RIMKLA: variants seen among roughly 807,000 people sequenced by gnomAD.
RIMKLA encodes the protein ribosomal modification protein rimK like family member A.
Under a neutral mutation model 32.7 loss-of-function variants are expected in RIMKLA, and 14 were observed. That is an observed-to-expected ratio of 0.43 (90% CI 0.28 to 0.67). The LOEUF (loss-of-function observed/expected upper bound fraction) is 0.67, where lower values mean the gene tolerates loss of function less well. RIMKLA is among the 30% of genes least tolerant of loss of function. The pLI, the probability that RIMKLA is intolerant of heterozygous loss-of-function variation, is 0.18. For missense variants in RIMKLA, 410 were observed against 519.0 expected (o/e 0.79, Z 2.04); for synonymous variants, 176 against 204.1 (o/e 0.86, Z 1.18).
At chr1:42,409,245 A>C (rs1404243412) in intron 3 of RIMKLA, among the ~76,000 whole-genome samples, 1 of 151,256 alleles carries the variant, frequency 6.6e-6, no homozygotes, top group Non-Finnish European at 1.5e-5. Context: ...GATGCTAAAT[A>C]ATTACAAAAG....
chr1:42,413,496 T>C, intron 4 of RIMKLA, among the ~76,000 whole-genome samples: 1 of 114,422 alleles, frequency 8.7e-6, no homozygotes, highest in Non-Finnish European at 1.7e-5. Flanking sequence ...AGAGTAAGAG[T>C]CTCTCAAAAA....
chr1:42,403,545 G>A (rs776071332), intron 2 of RIMKLA, among the ~76,000 whole-genome samples: 3 of 152,160 alleles, frequency 2.0e-5, no homozygotes, highest in Admixed American at 6.5e-5. Context: ...CATGCACATC[G>A]TTATTCATAT....
chr1:42,416,745 T>C lies in RIMKLA; in HGVS notation c.*1771T>C, dbSNP rs1485523109. ...GTAAAATGTGTATAAAGTTAAGCTATTGCATTTTTTCATAACACATTTAAA... is the reference window on the plus strand; with the variant it reads ...GTAAAATGTGTATAAAGTTAAGCTACTGCATTTTTTCATAACACATTTAAA... On this transcript the variant is annotated 3_prime_UTR_variant, in exon 5 of 5. Transcript: ENST00000431473. The C allele has an allele frequency of 6.6e-6, 1 of 152,252 alleles. No individual in the cohort carries two copies. The highest frequency in any genetic ancestry group is 1.5e-5 in the Non-Finnish European group (1 of 68,046). The allele number at this position is 152,252 out of a possible 1,614,324, so 9.4% of individuals were successfully genotyped here.
At chr1:42,391,088 T>C (rs1301922479) in intron 1 of RIMKLA, among the ~76,000 whole-genome samples, 2 of 152,000 alleles carry the variant, frequency 1.3e-5, no homozygotes, top group Non-Finnish European at 2.9e-5. Flanking sequence ...GCTGGAAAGA[T>C]AGGAGGAGTG....
rs775359393 is a variant in RIMKLA at position 42,423,275 on chromosome 1, G to T, written c.*8301G>T. On this transcript the variant is annotated 3_prime_UTR_variant, in exon 5 of 5. Transcript: ENST00000431473. ...ATATTGTCCTTGAACCCAAACACTG[G>T]GGAATGTGGCCTATGTTTCTTTCTT... Among the ~76,000 whole-genome samples the T allele has an allele frequency of 2.6e-5, 4 of 152,128 alleles. No individual in the cohort carries two copies. The highest frequency in any genetic ancestry group is 4.4e-5 in the Non-Finnish European group (3 of 68,030).
chr1:42,390,170 T>C (rs555834171), intron 1 of RIMKLA, among the ~76,000 whole-genome samples: 1 of 152,014 alleles, frequency 6.6e-6, no homozygotes, highest in South Asian at 2.1e-4. Context: ...CCTGAGTAGC[T>C]GGGACTACAG....
At chr1:42,393,957 G>A (rs920855838) in intron 1 of RIMKLA, among the ~76,000 whole-genome samples, 2 of 152,116 alleles carry the variant, frequency 1.3e-5, no homozygotes, top group Middle Eastern at 3.2e-3. Flanking sequence ...ACTAATTTTT[G>A]TATTTTAGGC....
At chr1:42,385,829 T>TTCCTTCC (rs1308213992) in intron 1 of RIMKLA, among the ~76,000 whole-genome samples, 3 of 72,814 alleles carry the variant, frequency 4.1e-5, no homozygotes, top group Admixed American at 2.7e-4. Context: ...CCTTCCTTCC[T>TTCCTTCC]TTCTTTCTTT....
chr1:42,395,028 T>C (rs1473644724), intron 1 of RIMKLA, among the ~76,000 whole-genome samples: 2 of 152,242 alleles, frequency 1.3e-5, no homozygotes, highest in Non-Finnish European at 1.5e-5. Context: ...CGAGAGCCAC[T>C]GTGCCCCGCC....
chr1:42,413,630 C>G (rs1423831169), intron 4 of RIMKLA, among the ~76,000 whole-genome samples: 2 of 151,694 alleles, frequency 1.3e-5, no homozygotes, highest in Non-Finnish European at 2.9e-5. Context: ...GTGTCATATT[C>G]TTTACAGTCT....
In RIMKLA at chr1:42,410,307, AG is replaced by A. The variant is rs1557757748; in HGVS notation, c.685+122del. On this transcript the variant is annotated intron_variant, in intron 4 of 4. Coordinates refer to ENST00000431473, the MANE Select transcript of RIMKLA (RefSeq NM_173642.4). ...CACCAGGATCTCACAGATGAGAATG[AG>A]GAACAAACTCTTTCCTATGGCAGCA... The A allele has an allele frequency of 1.4e-5, 11 of 798,000 alleles. No homozygotes were observed. In the South Asian group the frequency reaches 1.9e-4, roughly 14 times the overall value. 49.4% of individuals were successfully genotyped at this position (798,000 alleles called of 1,614,324 possible). A position where few individuals can be genotyped will look rare whatever the true frequency, so the allele number is the denominator to read the frequency against.
chr1:42,395,645 G>A (rs1034290853), intron 1 of RIMKLA, among the ~76,000 whole-genome samples: 6 of 152,128 alleles, frequency 3.9e-5, no homozygotes, highest in East Asian at 1.9e-4. Context: ...CTTGAGGTCC[G>A]TAGATTGCAG....
chr1:42,389,696 C>T (rs1375439372), intron 1 of RIMKLA, among the ~76,000 whole-genome samples: 6 of 151,896 alleles, frequency 4.0e-5, no homozygotes, highest in Admixed American at 3.9e-4. Context: ...CGCCCATAAT[C>T]CCAGCTACTC....
chr1:42,386,626 A>G (rs942627899), intron 1 of RIMKLA, among the ~76,000 whole-genome samples: 3 of 151,454 alleles, frequency 2.0e-5, no homozygotes, highest in Non-Finnish European at 4.4e-5. Context: ...TTGTAATCCC[A>G]GCACTTTGGG....
chr1:42,400,094 T>A (rs1643083797), intron 2 of RIMKLA, among the ~76,000 whole-genome samples: 1 of 152,160 alleles, frequency 6.6e-6, no homozygotes, highest in African/African-American at 2.4e-5. Context: ...GTTATCTAGC[T>A]AAGCAAAGGG....
intron 3 of RIMKLA, among the ~76,000 whole-genome samples, chr1:42,405,656 C>G (rs549856788): frequency 1.3e-5 from 2 of 151,978 alleles, no homozygotes; most frequent in Non-Finnish European, 2.9e-5. Context: ...TCTCAAAAAA[C>G]AAAAAAACAA....
At chr1:42,386,010 C>T (rs1227794854) in intron 1 of RIMKLA, among the ~76,000 whole-genome samples, 1 of 151,250 alleles carries the variant, frequency 6.6e-6, no homozygotes, top group Admixed American at 6.6e-5. Flanking sequence ...CAACTTCTGC[C>T]TCCCGGGTTC....
intron 3 of RIMKLA, among the ~76,000 whole-genome samples, chr1:42,405,148 A>G (rs187749888): frequency 7.6e-4 from 116 of 152,214 alleles, no homozygotes; most frequent in Non-Finnish European, 1.4e-3. Context: ...CACTTGGTCA[A>G]CTTCTTCTGC....
rs1186858837 is a variant in RIMKLA, at chr1:42,381,087, C to T, written c.153C>T (p.Gly51=). 2.4e-6 allele frequency: 3 copies of T among 1,257,836 alleles called. No individual in the cohort carries two copies. Among genetic ancestry groups the T allele is most frequent in the South Asian group, 3.0e-5 (1 of 33,666 alleles). The allele number at this position is 1,257,836 out of a possible 1,614,324, so 77.9% of individuals were successfully genotyped here. ...LMDQIAVTIV[G]GHLGLQLNQK... ...ACCAGATCGCCGTCACCATCGTCGG[C>T]GGCCACCTCGGTGAGCGAGGCGGGC... The change falls in exon 1 of 5, where the codon GGC becomes GGT. Residue 51 remains glycine (G), a synonymous_variant. Transcript: ENST00000431473.
Sources: gnomAD v4.1 joint callset for allele counts (sites outside exome capture counted in the v4.1 genomes callset) on GRCh38, gnomAD v4.1.1 for gene constraint, MANE v1.5 for transcripts, NCBI Gene and HGNC (gene_info 2026-07-23, HGNC 2026-07-21) for gene names.